The following MRAS variants were observed in gnomAD, a reference collection of about 807,000 sequenced individuals.
MRAS encodes muscle RAS oncogene homolog, also known as ras-related protein M-Ras.
A neutral mutation model predicts 20.9 loss-of-function variants in MRAS; 4 were observed. That is an observed-to-expected ratio of 0.19 (90% CI 0.09 to 0.44). MRAS has a LOEUF of 0.44. MRAS is among the 20% of genes least tolerant of loss of function. The pLI is 0.99. For missense variants in MRAS, 154 were observed against 277.5 expected (o/e 0.56, Z 3.16); for synonymous variants, 98 against 102.9 (o/e 0.95, Z 0.29).
chr3:138,352,590 A>C (rs2054249691), intron 1 of MRAS, among the ~76,000 whole-genome samples: 1 of 152,000 alleles, frequency 6.6e-6, no homozygotes, highest in Non-Finnish European at 1.5e-5. Flanking sequence ...TGGTAGCTTC[A>C]CTAGGTGGGG....
At chr3:138,374,665 G>C (rs1042989071) in intron 2 of MRAS, among the ~76,000 whole-genome samples, 9 of 152,282 alleles carry the variant, frequency 5.9e-5, no homozygotes, top group African/African-American at 9.6e-5. Context: ...TTGATCTTAA[G>C]GGGTAAGTGT....
In MRAS at chr3:138,387,293, T is replaced by C. The variant is rs907248473; in HGVS notation, c.194-10031T>C. ...TGCCCAGGCGCAGGTGCGGAGTAGG[T>C]GGAGAGTTTGGTGTAAGCAAGTGGG... On this transcript the variant is annotated intron_variant, in intron 2 of 5. Transcript: ENST00000423968. Among the ~76,000 whole-genome samples, 26 of 152,180 alleles carry C rather than the reference T, an allele frequency of 1.7e-4. 1 individual carries two copies. Among genetic ancestry groups the C allele is most frequent in the Non-Finnish European group, 5.9e-5 (4 of 68,028 alleles).
intron 1 of MRAS, among the ~76,000 whole-genome samples, chr3:138,367,311 G>A (rs1260339532): frequency 6.6e-6 from 1 of 152,086 alleles, no homozygotes. Context: ...TTATAGATGG[G>A]GAAACTGGGC....
Position 138,403,357 on chromosome 3 carries a change from A to G in MRAS, c.*1088A>G, listed in dbSNP as rs1352946141. On this transcript the variant is annotated 3_prime_UTR_variant, in exon 6 of 6. Transcript: ENST00000423968. ...CCAGTTCATGCTGGATCTTAACCAA[A>G]AATGATTCAATACTGTTATCACTAA... 1 of 152,218 alleles carries G rather than the reference A, an allele frequency of 6.6e-6. No individual in the cohort carries two copies. The highest frequency in any genetic ancestry group is 1.5e-5 in the Non-Finnish European group (1 of 68,050). 9.4% of individuals were successfully genotyped at this position (152,218 alleles called of 1,614,324 possible). A position where few individuals can be genotyped will look rare whatever the true frequency, so the allele number is the denominator to read the frequency against.
At chr3:138,355,836 CAGG>C (rs1197674294) in intron 1 of MRAS, among the ~76,000 whole-genome samples, 2 of 152,210 alleles carry the variant, frequency 1.3e-5, no homozygotes, top group African/African-American at 4.8e-5. Context: ...GAGGCCAAGG[CAGG>C]AGAATTGCTT....
At chr3:138,354,739 A>G (rs2054295784) in intron 1 of MRAS, among the ~76,000 whole-genome samples, 2 of 152,338 alleles carry the variant, frequency 1.3e-5, no homozygotes, top group South Asian at 4.1e-4. Flanking sequence ...AGACAGAGAA[A>G]ACATATTCTC....
chr3:138,402,207 A>G lies in MRAS; in HGVS notation c.565A>G (p.Lys189Glu). 1 of 1,614,256 alleles carries G rather than the reference A, an allele frequency of 6.2e-7. No homozygotes were observed. The highest frequency in any genetic ancestry group is 1.1e-5 in the South Asian group (1 of 91,090). ...IPEKSQKKKKKTKWRGDRATG... is the reference protein window; with the variant it reads ...IPEKSQKKKKETKWRGDRATG... ...GGAAAAAAGCCAGAAGAAGAAGAAG[A>G]AAACCAAATGGCGGGGAGACCGGGC... The change falls in exon 6 of 6, where the codon AAA becomes GAA. Residue 189 changes from lysine (K) to glutamate (E), a missense_variant. Physicochemically the swap from Lys to Glu is moderately conservative, Grantham distance 56. Around this residue, in one of 3 missense-constraint regions of MRAS, gnomAD observed 125 missense variants for 213.5 expected, o/e 0.59. Transcript: ENST00000423968.
intron 5 of MRAS, among the ~76,000 whole-genome samples, 186 bp downstream of exon 5, chr3:138,400,799 C>T (rs142079021): frequency 9.9e-5 from 15 of 152,146 alleles, no homozygotes; most frequent in Admixed American, 7.2e-4. Context: ...CCTCTGCCCT[C>T]CCCGCAGCTG....
At chr3:138,376,046 A>G (rs2054776939) in intron 2 of MRAS, among the ~76,000 whole-genome samples, 1 of 152,214 alleles carries the variant, frequency 6.6e-6, no homozygotes, top group African/African-American at 2.4e-5. Context: ...ACTGAATTAT[A>G]TACTTTTAAA....
At chr3:138,363,283 G>A (rs928510305) in intron 1 of MRAS, among the ~76,000 whole-genome samples, 11 of 151,900 alleles carry the variant, frequency 7.2e-5, no homozygotes, top group Admixed American at 5.9e-4. Context: ...GGCTGGTCTC[G>A]AACACCTGAC....
intron 1 of MRAS, among the ~76,000 whole-genome samples, chr3:138,362,483 C>T (rs550223632): frequency 1.3e-5 from 2 of 152,208 alleles, no homozygotes; most frequent in Non-Finnish European, 2.9e-5. Flanking sequence ...CCCTTCCCCT[C>T]CTCTGAGATT....
At chr3:138,363,148 C>T (rs78704245) in intron 1 of MRAS, among the ~76,000 whole-genome samples, 29 of 151,934 alleles carry the variant, frequency 1.9e-4, no homozygotes, top group African/African-American at 5.8e-4. Flanking sequence ...GTGATTCTTC[C>T]GCCTCCCCAG....
At chr3:138,391,878 G>A (rs1175178500) in intron 2 of MRAS, among the ~76,000 whole-genome samples, 2 of 152,122 alleles carry the variant, frequency 1.3e-5, no homozygotes, top group African/African-American at 2.4e-5. Flanking sequence ...GGTGGCTTAC[G>A]CCTGTAATCC....
At chr3:138,369,959 ATACCTTCCC>A (rs2054640077) in intron 1 of MRAS, among the ~76,000 whole-genome samples, 1 of 152,226 alleles carries the variant, frequency 6.6e-6, no homozygotes, top group Admixed American at 6.5e-5. Context: ...TTCCTTTTCA[ATACCTTCCC>A]ACCCACTTAG....
chr3:138,377,443 A>G (rs2108526958), intron 2 of MRAS, among the ~76,000 whole-genome samples: 1 of 152,356 alleles, frequency 6.6e-6, no homozygotes, highest in African/African-American at 2.4e-5. Flanking sequence ...CGCTTCTACT[A>G]AAAATACAAA....
At chr3:138,351,898 C>T (rs575519527) in intron 1 of MRAS, among the ~76,000 whole-genome samples, 2 of 152,164 alleles carry the variant, frequency 1.3e-5, no homozygotes, top group Non-Finnish European at 2.9e-5. Context: ...ATTCATGGAT[C>T]TCTGAAAACC....
In MRAS at chr3:138,402,292, G is replaced by A. The variant is rs373637036; in HGVS notation, c.*23G>A. ...TGACAGGCCTGAGGCCCTGGGCACAGTGACGGTGGCCTGGCCAGCCCTCGG... is the reference window on the plus strand; with the variant it reads ...TGACAGGCCTGAGGCCCTGGGCACAATGACGGTGGCCTGGCCAGCCCTCGG... On this transcript the variant is annotated 3_prime_UTR_variant, in exon 6 of 6. Transcript: ENST00000423968. 18 of 1,607,264 alleles carry A rather than the reference G, an allele frequency of 1.1e-5. No homozygotes were observed. Among genetic ancestry groups the A allele is most frequent in the Non-Finnish European group, 1.5e-5 (18 of 1,174,270 alleles).
chr3:138,375,142 C>T (rs1293352144), intron 2 of MRAS, among the ~76,000 whole-genome samples: 2 of 152,184 alleles, frequency 1.3e-5, no homozygotes, highest in East Asian at 3.8e-4. Flanking sequence ...CCATTTCAGC[C>T]TCCCAAAGTG....
intron 1 of MRAS, among the ~76,000 whole-genome samples, chr3:138,353,684 C>T (rs1249091922): frequency 6.6e-6 from 1 of 152,212 alleles, no homozygotes; most frequent in African/African-American, 2.4e-5. Context: ...CCCACCTACC[C>T]GTCCATTCAT....
Sources: allele counts gnomAD v4.1 joint callset (sites outside exome capture counted in the v4.1 genomes callset), GRCh38; gene constraint gnomAD v4.1.1; regional missense constraint gnomAD v4.1.1; transcripts MANE v1.5; gene names NCBI Gene and HGNC (gene_info 2026-07-23, HGNC 2026-07-21).